IRX4: variants seen among roughly 807,000 people sequenced by gnomAD.
IRX4 encodes the protein iroquois homeobox 4, also known as iroquois-class homeodomain protein IRX-4.
In IRX4, 22 loss-of-function variants were observed where a neutral mutation model predicts 32.0. The ratio of observed to expected loss-of-function variants is 0.69; its 90% CI spans 0.49 to 0.98. The LOEUF is 0.98. Among genes scored for constraint, IRX4 ranks in the 50% least tolerant of loss-of-function variants. The probability of loss-of-function intolerance (pLI) is 0.00; values close to 1 mark genes in which losing one functional copy is unlikely to be tolerated. For synonymous variants in IRX4, 379 were observed against 351.7 expected (o/e 1.08, Z -0.87); for missense variants, 840 against 744.2 (o/e 1.13, Z -1.50).
chr5:1,885,418 A>G (rs750581762), upstream of IRX4, among the ~76,000 whole-genome samples: 2 of 151,830 alleles, frequency 1.3e-5, no homozygotes, highest in African/African-American at 2.4e-5. Flanking sequence ...TCCAGTCCCC[A>G]CCAGCGGGCG....
At position 1,880,814 on chromosome 5, in the gene IRX4, A is replaced by G. The variant is rs200041586; in HGVS notation, c.318T>C (p.Asp106=). ...FYSLNSFDSK[D]GSGSAHGGLA... is the part of the protein sequence containing the mutation. ...GGCCCCCATGCGCAGATCCCGAACC[A>G]TCCTTGGAATCAAAGCTGTTCTGTG... The change falls in exon 3 of 5, where the codon GAT becomes GAC. Residue 106 remains aspartate, a synonymous_variant. Transcript: ENST00000231357. 3.1e-6 allele frequency: 5 copies of G among 1,613,650 alleles called. No individual in the cohort carries two copies. The highest frequency in any genetic ancestry group is 4.2e-6 in the Non-Finnish European group (5 of 1,179,952).
At chr5:1,882,162 C>T (rs1735472341) in intron 1 of IRX4, 103 bp from the exon 2 acceptor site, 2 of 1,366,632 alleles carry the variant, frequency 1.5e-6, no homozygotes, top group Non-Finnish European at 1.9e-6. Flanking sequence ...GCCCCGAGTA[C>T]CCCCGGGCCT....
At chr5:1,884,230 G>C (rs1735557738), upstream of IRX4, 1 of 152,286 alleles carries the variant, frequency 6.6e-6, no homozygotes, top group South Asian at 2.1e-4. Context: ...GGTAAGTTGG[G>C]AAGGAAGCCG....
chr5:1,879,554 C>T lies in IRX4; in HGVS notation c.686G>A (p.Gly229Glu), dbSNP rs1170731768. 2 of 1,613,084 alleles carry T rather than the reference C, an allele frequency of 1.2e-6. No individual in the cohort carries two copies. The highest frequency in any genetic ancestry group is 1.7e-6 in the Non-Finnish European group (2 of 1,179,828). The change falls in exon 4 of 5, where the codon GGG becomes GAG. Residue 229 changes from glycine to glutamate, a missense_variant. Coordinates refer to ENST00000231357, the MANE Select transcript of IRX4 (RefSeq NM_016358.3). ...RPYAEGEEEEGGEEEAREEPL... is the reference protein window; with the variant it reads ...RPYAEGEEEEEGEEEAREEPL... ...CTCCTCCCGCGCCTCCTCCTCGCCC[C>T]CCTCCTCCTCCTCGCCCTCCGCGTA...
intron 2 of IRX4, among the ~76,000 whole-genome samples, chr5:1,881,254 G>C (rs1475909937): frequency 6.8e-6 from 1 of 146,818 alleles, no homozygotes; most frequent in Non-Finnish European, 1.5e-5. Context: ...AAGGGGAGGG[G>C]CTGCTGAGCG....
At chr5:1,882,479 AC>A in intron 1 of IRX4, 123 bp downstream of exon 1, 1 of 858,104 alleles carries the variant, frequency 1.2e-6, no homozygotes, top group Non-Finnish European at 1.8e-6. Flanking sequence ...GGGGCGCGCG[AC>A]CCAGGCCTTG....
chr5:1,882,656 C>G lies in IRX4; in HGVS notation c.-9G>C, dbSNP rs1047141959. 3 of 1,384,506 alleles carry G rather than the reference C, an allele frequency of 2.2e-6. No homozygotes were observed. Among genetic ancestry groups the G allele is most frequent in the Non-Finnish European group, 2.8e-6 (3 of 1,068,884 alleles). The allele number at this position is 1,384,506 out of a possible 1,614,324, so 85.8% of individuals were successfully genotyped here. A position where few individuals can be genotyped will look rare whatever the true frequency, so the allele number is the denominator to read the frequency against. On this transcript the variant is annotated 5_prime_UTR_variant, in exon 1 of 5. Transcript: ENST00000231357. ...AACTGCGGGTAGGACATGGCGGGCG[C>G]GGCCCGGGGCGGACGGGCGGGGCCT...
At position 1,877,879 on chromosome 5, in the gene IRX4, C is replaced by A; in HGVS notation, c.*90G>T. The A allele has an allele frequency of 8.1e-7, 1 of 1,236,004 alleles. No homozygotes were observed. Among genetic ancestry groups the A allele is most frequent in the Non-Finnish European group, 1.1e-6 (1 of 899,494 alleles). 76.6% of individuals were successfully genotyped at this position (1,236,004 alleles called of 1,614,324 possible). On this transcript the variant is annotated 3_prime_UTR_variant, in exon 5 of 5. Transcript: ENST00000231357. The stretch of plus-strand genomic sequence containing the variant: ...GGTGGGTTGGCGGCTTCGCGGTGGC[C>A]GCGCTAGTCTTCCTCTGGAAACTCA...
In IRX4 at chr5:1,879,648, G is replaced by A; in HGVS notation, c.592C>T (p.Arg198Trp). The A allele has an allele frequency of 6.2e-7, 1 of 1,614,142 alleles. No individual in the cohort carries two copies. The highest frequency in any genetic ancestry group is 8.5e-7 in the Non-Finnish European group (1 of 1,180,022). The change falls in exon 4 of 5, where the codon CGG (arginine) becomes TGG (tryptophan). Residue 198 changes from arginine (R) to tryptophan (W), a missense_variant. Coordinates refer to ENST00000231357, the MANE Select transcript of IRX4 (RefSeq NM_016358.3). Reference sequence around the variant, plus strand: ...ATCTTGTTCTCCTTCTTGAGGCGCCGGCGCGCGTTGGCGAACCAGGTGGAG... The same window carrying A: ...ATCTTGTTCTCCTTCTTGAGGCGCCAGCGCGCGTTGGCGAACCAGGTGGAG... ...QVSTWFANAR[R>W]RLKKENKMTW...
At position 1,880,797 on chromosome 5, in the gene IRX4, T is replaced by C. The variant is rs900725039; in HGVS notation, c.335A>G (p.His112Arg). The C allele has an allele frequency of 1.2e-6, 2 of 1,613,636 alleles. No homozygotes were observed. Among genetic ancestry groups the C allele is most frequent in the Non-Finnish European group, 8.5e-7 (1 of 1,179,968 alleles). ...FDSKDGSGSAHGGLAPAAAAY... is the reference protein window; with the variant it reads ...FDSKDGSGSARGGLAPAAAAY... The stretch of plus-strand genomic sequence containing the variant: ...GGCAGCGGCTGGTGCCAGGCCCCCA[T>C]GCGCAGATCCCGAACCATCCTTGGA... Residue 112 changes from histidine (H) to arginine (R), a missense_variant, in exon 3 of 5, where the codon CAT becomes CGT. Coordinates refer to ENST00000231357, the MANE Select transcript of IRX4 (RefSeq NM_016358.3).
rs1735254943 is a variant in IRX4, at chr5:1,877,853, C to T, written c.*116G>A. 6.2e-6 allele frequency: 6 copies of T among 970,454 alleles called. No individual in the cohort carries two copies. Among genetic ancestry groups the T allele is most frequent in the Non-Finnish European group, 8.9e-6 (6 of 670,524 alleles). 60.1% of individuals were successfully genotyped at this position (970,454 alleles called of 1,614,324 possible). A position where few individuals can be genotyped will look rare whatever the true frequency, so the allele number is the denominator to read the frequency against. ...AGTCCAAGTTCAGAAGCCCCCTCTC[C>T]GGTGGGTTGGCGGCTTCGCGGTGGC... On this transcript the variant is annotated 3_prime_UTR_variant, in exon 5 of 5. Coordinates refer to ENST00000231357, the MANE Select transcript of IRX4 (RefSeq NM_016358.3).
At position 1,879,586 on chromosome 5, in the gene IRX4, C is replaced by T. The variant is rs1034611507; in HGVS notation, c.654G>A (p.Lys218=). The T allele has an allele frequency of 6.2e-7, 1 of 1,613,818 alleles. No individual in the cohort carries two copies. The highest frequency in any genetic ancestry group is 1.3e-5 in the African/African-American group (1 of 74,950). Residue 218 remains lysine, a synonymous_variant, in exon 4 of 5, where the codon AAG becomes AAA. Transcript: ENST00000231357. ...WPPRNKCADE[K]RPYAEGEEEE... is the part of the protein sequence containing the mutation. ...CCTCCTCGCCCTCCGCGTAGGGCCGCTTCTCGTCTGCGCACTTGTTCCGCG... is the reference window on the plus strand; with the variant it reads ...CCTCCTCGCCCTCCGCGTAGGGCCGTTTCTCGTCTGCGCACTTGTTCCGCG...
At chr5:1,881,141 A>C (rs2111444599) in intron 2 of IRX4, 2 of 375,534 alleles carry the variant, frequency 5.3e-6, no homozygotes. Flanking sequence ...GCCAGAAAGA[A>C]CTGGGGGCCG....
At position 1,877,882 on chromosome 5, in the gene IRX4, G is replaced by C. The variant is rs1175985788; in HGVS notation, c.*87C>G. ...GGGTTGGCGGCTTCGCGGTGGCCGC[G>C]CTAGTCTTCCTCTGGAAACTCAGTG... On this transcript the variant is annotated 3_prime_UTR_variant, in exon 5 of 5. Transcript: ENST00000231357. 35 of 1,258,608 alleles carry C rather than the reference G, an allele frequency of 2.8e-5. No individual in the cohort carries two copies. The highest frequency in any genetic ancestry group is 3.4e-5 in the Non-Finnish European group (31 of 918,306). The allele number at this position is 1,258,608 out of a possible 1,614,324, so 78.0% of individuals were successfully genotyped here. A position where few individuals can be genotyped will look rare whatever the true frequency, so the allele number is the denominator to read the frequency against.
rs1304867660 is a variant in IRX4 at position 1,877,913 on chromosome 5, A to G, written c.*56T>C. 1.2e-5 allele frequency: 17 copies of G among 1,417,604 alleles called. No individual in the cohort carries two copies. The highest frequency in any genetic ancestry group is 1.5e-5 in the Non-Finnish European group (16 of 1,057,932). 87.8% of individuals were successfully genotyped at this position (1,417,604 alleles called of 1,614,324 possible). A position where few individuals can be genotyped will look rare whatever the true frequency, so the allele number is the denominator to read the frequency against. ...CTTCCTCTGGAAACTCAGTGAAAAGAGTCGGCGCCGTCCGCCTGAGCGCGG... is the reference window on the plus strand; with the variant it reads ...CTTCCTCTGGAAACTCAGTGAAAAGGGTCGGCGCCGTCCGCCTGAGCGCGG... On this transcript the variant is annotated 3_prime_UTR_variant, in exon 5 of 5. Coordinates refer to ENST00000231357, the MANE Select transcript of IRX4 (RefSeq NM_016358.3).
upstream of IRX4, chr5:1,884,490 G>A (rs1041446039): frequency 2.0e-5 from 3 of 152,206 alleles, no homozygotes; most frequent in African/African-American, 7.2e-5. Context: ...ATGAAAATAC[G>A]AGTTCTCCGA....
At position 1,878,269 on chromosome 5, in the gene IRX4, G is replaced by T; in HGVS notation, c.1260C>A (p.His420Gln). Residue 420 changes from histidine to glutamine, a missense_variant, in exon 5 of 5, where the codon CAC (histidine) becomes CAA (glutamine). This residue lies in a region of IRX4 where 585 missense variants were observed against 488.0 expected (regional missense o/e 1.20). Transcript: ENST00000231357. ...CCTGGTGCCTGTCCAGGGCGCCAGA[G>T]TGGGGAAGGGCCACAGACGGGGACG... Reference protein sequence around the residue: ...PATSPSVALPHSGALDRHQDS... With the variant: ...PATSPSVALPQSGALDRHQDS... The T allele has an allele frequency of 6.2e-7, 1 of 1,602,128 alleles. No homozygotes were observed. Among genetic ancestry groups the T allele is most frequent in the South Asian group, 1.1e-5 (1 of 88,874 alleles).
At position 1,882,012 on chromosome 5, in the gene IRX4, G is replaced by A; in HGVS notation, c.93C>T (p.Gly31=). 1 of 1,548,362 alleles carries A rather than the reference G, an allele frequency of 6.5e-7. No individual in the cohort carries two copies. Among genetic ancestry groups the A allele is most frequent in the Non-Finnish European group, 8.7e-7 (1 of 1,146,890 alleles). ...CGGGCCCGGAGTCCGCCAGCGTGCG[G>A]CCTCCGGACTCGCAGCACGTGCTCA... The part of the protein sequence containing the change: ...NSLSTCCESG[G]RTLADSGPAA... Residue 31 remains glycine, a synonymous_variant, in exon 2 of 5, where the codon GGC becomes GGT. Coordinates refer to ENST00000231357, the MANE Select transcript of IRX4 (RefSeq NM_016358.3).
chr5:1,882,480 C>T, intron 1 of IRX4, 123 bp downstream of exon 1: 1 of 870,930 alleles, frequency 1.1e-6, no homozygotes, highest in South Asian at 1.6e-5. Context: ...GGGCGCGCGA[C>T]CCAGGCCTTG....
Sources: allele counts gnomAD v4.1 joint callset (sites outside exome capture counted in the v4.1 genomes callset), GRCh38; gene constraint gnomAD v4.1.1; regional missense constraint gnomAD v4.1.1; transcripts MANE v1.5; gene names NCBI Gene and HGNC (gene_info 2026-07-23, HGNC 2026-07-21).